Variants in SOD2 observed in about 807,000 individuals in gnomAD.
The protein encoded by SOD2 is superoxide dismutase 2.
In SOD2, 11 loss-of-function variants were observed where a neutral mutation model predicts 27.0. The observed-to-expected ratio is 0.41, with a 90% CI of 0.26 to 0.67. The LOEUF (loss-of-function observed/expected upper bound fraction) is 0.67. Among genes scored for constraint, SOD2 ranks in the 30% least tolerant of loss-of-function variants. The pLI is 0.34. For missense variants in SOD2, 250 were observed against 274.5 expected (o/e 0.91, Z 0.63); for synonymous variants, 105 against 103.0 (o/e 1.02, Z -0.12).
At chr6:159,728,652 A>G (rs1778375669), upstream of SOD2, among the ~76,000 whole-genome samples, 1 of 152,240 alleles carries the variant, frequency 6.6e-6, no homozygotes, top group African/African-American at 2.4e-5. Flanking sequence ...TAAAACCGTA[A>G]TTTAAAACTA....
chr6:159,755,771 T>G, intron 1 of SOD2: 3 of 948,390 alleles, frequency 3.2e-6, no homozygotes, highest in African/African-American at 1.9e-5. Context: ...TTTTCTTTTT[T>G]TTTTTTTTTT....
intron 4 of SOD2, among the ~76,000 whole-genome samples, chr6:159,683,912 A>G (rs1029972337): frequency 6.6e-6 from 1 of 152,246 alleles, no homozygotes; most frequent in Admixed American, 6.5e-5. Context: ...GGGTAGAAGA[A>G]GGGGCAGAGA....
At chr6:159,687,518 C>T (rs1311378235) in intron 3 of SOD2, among the ~76,000 whole-genome samples, 1 of 151,942 alleles carries the variant, frequency 6.6e-6, no homozygotes, top group African/African-American at 2.4e-5. Flanking sequence ...GTCTCTCAGT[C>T]TTTCCCTAAT....
At chr6:159,752,798 GGAATGCA>G (rs1193306910) in intron 1 of SOD2, among the ~76,000 whole-genome samples, 3 of 152,150 alleles carry the variant, frequency 2.0e-5, no homozygotes, top group African/African-American at 7.2e-5. Flanking sequence ...TTCCGAAGCT[GGAATGCA>G]GTGGCATGGT....
chr6:159,720,216 A>ATATATACACAAAATAT (rs1778006958), intron 1 of SOD2, among the ~76,000 whole-genome samples: 1 of 151,146 alleles, frequency 6.6e-6, no homozygotes, highest in Non-Finnish European at 1.5e-5. Context: ...TGTATATATA[A>ATATATACACAAAATAT]ATATATATTT....
At chr6:159,712,319 AC>A (rs1777818492) in intron 1 of SOD2, among the ~76,000 whole-genome samples, 15 of 143,364 alleles carry the variant, frequency 1.0e-4, no homozygotes, top group African/African-American at 4.0e-4. Context: ...CACCACTCAC[AC>A]TGCTCTGATC....
At chr6:159,698,571 C>CAAA (rs66652436) in intron 1 of SOD2, among the ~76,000 whole-genome samples, 6 of 95,724 alleles carry the variant, frequency 6.3e-5, no homozygotes, top group African/African-American at 1.8e-4. Flanking sequence ...GACCTTGTCT[C>CAAA]AAAAAAAAAA....
intron 1 of SOD2, among the ~76,000 whole-genome samples, chr6:159,758,622 A>G (rs1016143262): frequency 1.3e-5 from 2 of 152,252 alleles, no homozygotes; most frequent in South Asian, 2.1e-4. Context: ...GAACACTTTC[A>G]TAATCCCAGG....
At chr6:159,719,267 A>AT (rs1288990985) in intron 1 of SOD2, among the ~76,000 whole-genome samples, 1 of 152,080 alleles carries the variant, frequency 6.6e-6, no homozygotes, top group Non-Finnish European at 1.5e-5. Context: ...ACCCATGCCT[A>AT]TAATCCCAGC....
chr6:159,690,584 C>T (rs1488911382), intron 2 of SOD2, among the ~76,000 whole-genome samples: 1 of 150,330 alleles, frequency 6.7e-6, no homozygotes, highest in African/African-American at 2.4e-5. Context: ...TTTTTAAAGA[C>T]ACCAACTTTT....
intron 1 of SOD2, among the ~76,000 whole-genome samples, chr6:159,712,597 C>G (rs533300064): frequency 7.5e-6 from 1 of 134,142 alleles, no homozygotes; most frequent in Non-Finnish European, 1.7e-5. Flanking sequence ...ACCGCCTCCA[C>G]AACGACCACT....
intron 1 of SOD2, among the ~76,000 whole-genome samples, chr6:159,698,718 C>T (rs1319720460): frequency 6.6e-6 from 1 of 150,416 alleles, no homozygotes; most frequent in Non-Finnish European, 1.5e-5. Context: ...AAAGTTTGTA[C>T]ATCACAGAGA....
chr6:159,755,466 T>C (rs758466866), intron 1 of SOD2: 3 of 1,613,982 alleles, frequency 1.9e-6, no homozygotes, highest in Middle Eastern at 1.7e-4. Flanking sequence ...GAAAACTCTC[T>C]CACACACCAA....
chr6:159,743,118 G>A (rs1779361560), intron 1 of SOD2, among the ~76,000 whole-genome samples: 1 of 152,248 alleles, frequency 6.6e-6, no homozygotes, highest in South Asian at 2.1e-4. Context: ...CACAATCTGG[G>A]CTTAGTGCAA....
chr6:159,755,790 T>TTTTTG (rs1779991801), intron 1 of SOD2: 21 of 848,856 alleles, frequency 2.5e-5, no homozygotes, highest in Admixed American at 4.2e-5. Flanking sequence ...TTTTTTTTTT[T>TTTTTG]GCTTCAATAC....
chr6:159,735,667 T>G (rs983153337), intron 1 of SOD2, among the ~76,000 whole-genome samples: 3 of 152,086 alleles, frequency 2.0e-5, no homozygotes, highest in Admixed American at 6.5e-5. Context: ...GAGAATTGCT[T>G]GAACCCTGGA....
At chr6:159,758,499 A>G (rs1238420197) in intron 1 of SOD2, among the ~76,000 whole-genome samples, 1 of 152,190 alleles carries the variant, frequency 6.6e-6, no homozygotes, top group African/African-American at 2.4e-5. Flanking sequence ...CCTTCTGACA[A>G]CTTACTTTCT....
intron 1 of SOD2, among the ~76,000 whole-genome samples, chr6:159,724,123 C>T (rs1447921228): frequency 6.6e-6 from 1 of 152,074 alleles, no homozygotes; most frequent in East Asian, 1.9e-4. Context: ...TTTCCACCCC[C>T]ACCCCCGGAT....
chr6:159,742,067 G>C, intron 1 of SOD2: 6 of 1,551,720 alleles, frequency 3.9e-6, no homozygotes, highest in Non-Finnish European at 5.3e-6. Flanking sequence ...AACAACTAAT[G>C]TATGGATTTT....
Sources: gnomAD v4.1 joint callset for allele counts (sites outside exome capture counted in the v4.1 genomes callset) on GRCh38, gnomAD v4.1.1 for gene constraint, MANE v1.5 for transcripts, NCBI Gene and HGNC (gene_info 2026-07-23, HGNC 2026-07-21) for gene names.